GPR107: variants seen among roughly 807,000 people sequenced by gnomAD.
GPR107 encodes the protein G protein-coupled receptor 107.
GPR107 carries 31 observed loss-of-function variants against 75.5 expected under a neutral mutation model. That is an observed-to-expected ratio of 0.41 (90% CI 0.31 to 0.55). The LOEUF (loss-of-function observed/expected upper bound fraction) is 0.55, where lower values mean the gene tolerates loss of function less well. Ranked by LOEUF, GPR107 falls within the 20% of genes least tolerant of loss-of-function variation. The pLI is 0.26. For missense variants in GPR107, 572 were observed against 665.7 expected, an observed-to-expected ratio of 0.86 and a Z score of 1.55; for synonymous variants, 267 against 251.3, an observed-to-expected ratio of 1.06 and a Z score of -0.59.
intron 6 of GPR107, among the ~76,000 whole-genome samples, chr9:130,085,082 A>C (rs623981): frequency 1 from 151,724 of 152,276 alleles, 75,591 homozygotes; most frequent in Non-Finnish European, 1. Context: ...GGAATTGATG[A>C]GCAGGCTACG....
At position 130,136,279 on chromosome 9, in the gene GPR107, C is replaced by G. The variant is rs1405812921; in HGVS notation, c.*1158C>G. ...ATGATTAAGTTCCCTTCCACACTTC[C>G]AGAGCTTGAATGAACACAGGTAGCC... On this transcript the variant is annotated 3_prime_UTR_variant, in exon 18 of 18. Coordinates refer to ENST00000347136, the MANE Select transcript of GPR107 (RefSeq NM_020960.5). 1.3e-5 allele frequency: 2 copies of G among 152,168 alleles called. No homozygotes were observed. Among genetic ancestry groups the G allele is most frequent in the African/African-American group, 4.8e-5 (2 of 41,436 alleles). The allele number at this position is 152,168 out of a possible 1,614,324, so 9.4% of individuals were successfully genotyped here.
intron 9 of GPR107, among the ~76,000 whole-genome samples, chr9:130,099,040 A>G (rs1302216794): frequency 2.6e-5 from 4 of 152,084 alleles, no homozygotes; most frequent in African/African-American, 9.7e-5. Flanking sequence ...AGCTGGGTAC[A>G]GTGGCTCATG....
chr9:130,076,696 G>A (rs1291372780), intron 3 of GPR107, among the ~76,000 whole-genome samples: 2 of 151,858 alleles, frequency 1.3e-5, no homozygotes, highest in African/African-American at 2.4e-5. Flanking sequence ...TGTATTTTTA[G>A]TAGAGACAGG....
rs774749697 is a variant in GPR107, at chr9:130,112,372, C to T, written c.1306+4833C>T. On this transcript the variant is annotated intron_variant, in intron 14 of 17. Transcript: ENST00000347136. This position sits in a 1 kb window ranked among gnomAD's most constrained non-coding sequence, Gnocchi z 4.0. ...GATCAAAACTATTTTCATAATCATACGGTGTGAGTCTCTTGTGCTGTTGAC... is the reference window on the plus strand; with the variant it reads ...GATCAAAACTATTTTCATAATCATATGGTGTGAGTCTCTTGTGCTGTTGAC... 5.7e-4 allele frequency among the ~76,000 whole-genome samples: 87 copies of T among 152,134 alleles called. No individual in the cohort carries two copies. Among genetic ancestry groups the T allele is most frequent in the Non-Finnish European group, 1.1e-3 (73 of 68,034 alleles).
At chr9:130,088,529 T>G (rs766266523) in intron 7 of GPR107, among the ~76,000 whole-genome samples, 2 of 152,236 alleles carry the variant, frequency 1.3e-5, no homozygotes, top group Admixed American at 6.5e-5. Context: ...CTCTTATTAT[T>G]GATGTATATG....
At position 130,054,075 on chromosome 9, in the gene GPR107, T is replaced by A; in HGVS notation, c.141+2T>A. 6.5e-7 allele frequency: 1 copy of A among 1,544,298 alleles called. No individual in the cohort carries two copies. The highest frequency in any genetic ancestry group is 8.7e-7 in the Non-Finnish European group (1 of 1,143,708). ...CGCGTCCATCACCTGGCACTCAAGG[T>A]AAAGCTTGGCAAGGCCGGGCCGGGG... On this transcript the variant is annotated splice_donor_variant, in intron 1 of 17. Coordinates refer to ENST00000347136, the MANE Select transcript of GPR107 (RefSeq NM_020960.5). LOFTEE classifies it high-confidence loss of function.
In GPR107 at chr9:130,083,669, C is replaced by T; in HGVS notation, c.564+67C>T. 1.1e-6 allele frequency: 1 copy of T among 874,694 alleles called. No individual in the cohort carries two copies. Among genetic ancestry groups the T allele is most frequent in the Non-Finnish European group, 1.7e-6 (1 of 593,944 alleles). 54.2% of individuals were successfully genotyped at this position (874,694 alleles called of 1,614,324 possible). ...TGTGTGTACGTGTGTGTGTTATATG[C>T]ATGTGTGTGTGTGTATTGATATATA... On this transcript the variant is annotated intron_variant, in intron 6 of 17. Transcript: ENST00000347136.
At chr9:130,062,635 TGCC>T (rs1383950206) in intron 1 of GPR107, among the ~76,000 whole-genome samples, 35 of 101,744 alleles carry the variant, frequency 3.4e-4, no homozygotes, top group African/African-American at 1.0e-3. Context: ...CCTGCCTTCC[TGCC>T]TGCCTGCCTG....
chr9:130,084,086 A>G (rs1003461159), intron 6 of GPR107, among the ~76,000 whole-genome samples: 1 of 147,470 alleles, frequency 6.8e-6, no homozygotes. Flanking sequence ...ACATACATAC[A>G]TACACACACA....
At chr9:130,114,921 A>C (rs934944169) in intron 14 of GPR107, among the ~76,000 whole-genome samples, 2 of 152,124 alleles carry the variant, frequency 1.3e-5, no homozygotes, top group African/African-American at 4.8e-5. Flanking sequence ...AGCTGGCCAG[A>C]TGCTTGTGGT....
chr9:130,078,734 C>A (rs956151974), intron 4 of GPR107, among the ~76,000 whole-genome samples: 1 of 152,200 alleles, frequency 6.6e-6, no homozygotes, highest in African/African-American at 2.4e-5. Context: ...TCATTCATAT[C>A]CAGCCAAGGG....
chr9:130,115,493 G>A (rs6478945), intron 14 of GPR107, among the ~76,000 whole-genome samples: 88,769 of 151,576 alleles, frequency 0.59, 26,059 homozygotes, highest in East Asian at 0.79. Flanking sequence ...GGCCAGGCAC[G>A]GTGGCTCTCA....
chr9:130,131,352 GTA>G (rs1831823012), intron 17 of GPR107, among the ~76,000 whole-genome samples: 1 of 152,066 alleles, frequency 6.6e-6, no homozygotes, highest in Non-Finnish European at 1.5e-5. Flanking sequence ...GGAACAGGAT[GTA>G]GCGCCTACCC....
chr9:130,059,360 C>T (rs1829873248), intron 1 of GPR107, among the ~76,000 whole-genome samples: 1 of 152,000 alleles, frequency 6.6e-6, no homozygotes, highest in Non-Finnish European at 1.5e-5. Flanking sequence ...CGGTGGCGGG[C>T]GCCTGCAATC....
Position 130,128,665 on chromosome 9 carries a change from T to C in GPR107, c.1466T>C (p.Val489Ala). Reference protein sequence around the residue: ...YQLLDETATLVFFVLTGYKFR... With the variant: ...YQLLDETATLAFFVLTGYKFR... ...CTCCTGGATGAAACGGCCACACTGG[T>C]CTTCTTTGTTCTAACGGGGTATAAA... The change falls in exon 17 of 18, where the codon GTC becomes GCC. Residue 489 changes from valine (V) to alanine (A), a missense_variant. By Grantham distance (64) the Val-to-Ala change is moderately conservative. Transcript: ENST00000347136. 1 of 1,611,388 alleles carries C rather than the reference T, an allele frequency of 6.2e-7. No individual in the cohort carries two copies. Among genetic ancestry groups the C allele is most frequent in the Non-Finnish European group, 8.5e-7 (1 of 1,177,512 alleles).
At chr9:130,093,610 A>G (rs78170151) in intron 9 of GPR107, among the ~76,000 whole-genome samples, 1,532 of 152,250 alleles carry the variant, frequency 0.01, 14 homozygotes, top group Non-Finnish European at 0.016. Flanking sequence ...CCCACCAGAT[A>G]GAAAGAGTTT....
At chr9:130,061,180 C>G (rs1353544959) in intron 1 of GPR107, among the ~76,000 whole-genome samples, 1 of 152,168 alleles carries the variant, frequency 6.6e-6, no homozygotes, top group Non-Finnish European at 1.5e-5. Flanking sequence ...GTGAGCGGGA[C>G]TAAGCCCCGA....
In GPR107 at chr9:130,088,403, T is replaced by G. The variant is rs898789892; in HGVS notation, c.621+1927T>G. 8.5e-5 allele frequency among the ~76,000 whole-genome samples: 13 copies of G among 152,234 alleles called. No homozygotes were observed. In the East Asian group the frequency reaches 2.5e-3, roughly 29 times the overall value. ...TGTAGCTCACTCCTATTTCCCTCAT[T>G]GTGCTCTGTCTTTCCTTAGTATTAT... On this transcript the variant is annotated intron_variant, in intron 7 of 17. Transcript: ENST00000347136.
chr9:130,056,673 C>T (rs544753596), intron 1 of GPR107, among the ~76,000 whole-genome samples: 2 of 152,000 alleles, frequency 1.3e-5, no homozygotes, highest in South Asian at 4.1e-4. Context: ...CGCCTGTAAT[C>T]CCAGCACTTT....
Sources: gnomAD v4.1 joint callset for allele counts (sites outside exome capture counted in the v4.1 genomes callset) on GRCh38, gnomAD v4.1.1 for gene constraint, Gnocchi (gnomAD v3.1) non-coding constraint, MANE v1.5 for transcripts, NCBI Gene and HGNC (gene_info 2026-07-23, HGNC 2026-07-21) for gene names.